ZNF354A: variants seen among roughly 807,000 people sequenced by gnomAD.
The protein encoded by ZNF354A is epididymis luminal protein 104.
Under a neutral mutation model 53.3 loss-of-function variants are expected in ZNF354A, and 25 were observed. The ratio of observed to expected loss-of-function variants is 0.47; its 90% CI spans 0.34 to 0.66. ZNF354A has a LOEUF of 0.66. Ranked by LOEUF, ZNF354A falls within the 30% of genes least tolerant of loss-of-function variation. The probability of loss-of-function intolerance (pLI) is 0.01; values close to 1 mark genes in which losing one functional copy is unlikely to be tolerated. For missense variants in ZNF354A, 586 were observed against 716.8 expected, an observed-to-expected ratio of 0.82 and a Z score of 2.08; for synonymous variants, 228 against 249.0, an observed-to-expected ratio of 0.92 and a Z score of 0.79.
In ZNF354A at chr5:178,712,503, T is replaced by C; in HGVS notation, c.1375A>G (p.Ile459Val). The change falls in exon 5 of 5, where the codon ATT (isoleucine) becomes GTT (valine). Residue 459 changes from isoleucine (I) to valine (V), a missense_variant. Physicochemically the swap from Ile to Val is conservative, Grantham distance 29. Around this residue, in one of 2 missense-constraint regions of ZNF354A, gnomAD observed 573 missense variants for 680.1 expected, o/e 0.84. Transcript: ENST00000335815. ...TTACATGGTTTTTCTCCAGTATGAA[T>C]TCGCTCGTGAATAATAAGTGTTGAG... ...SHSTLIIHER[I>V]HTGEKPCKCK... 6.2e-7 allele frequency: 1 copy of C among 1,614,194 alleles called. No homozygotes were observed. The highest frequency in any genetic ancestry group is 8.5e-7 in the Non-Finnish European group (1 of 1,180,030).
At chr5:178,729,872 G>GCTTCTTCTTTTTTT (rs746292908) in intron 1 of ZNF354A, among the ~76,000 whole-genome samples, 1 of 143,336 alleles carries the variant, frequency 7.0e-6, no homozygotes. Flanking sequence ...CTAACACGAT[G>GCTTCTTCTTTTTTT]TTTCTTTTTT....
Position 178,727,019 on chromosome 5 carries a change from T to C in ZNF354A, c.140A>G (p.Tyr47Cys). ...NLYRDVMLEN[Y>C]RNLVSLGLPF... ...CTTACCCAGTGAGACCAGGTTCCTA[T>C]AGTTCTCCAGCATCACATCCCGGTA... The change falls in exon 3 of 5, where the codon TAT becomes TGT. Residue 47 changes from tyrosine to cysteine, a missense_variant. Coordinates refer to ENST00000335815, the MANE Select transcript of ZNF354A (RefSeq NM_005649.3). 3 of 1,613,334 alleles carry C rather than the reference T, an allele frequency of 1.9e-6. No homozygotes were observed. Among genetic ancestry groups the C allele is most frequent in the Non-Finnish European group, 2.5e-6 (3 of 1,179,752 alleles).
At chr5:178,730,180 A>G (rs1766005483) in intron 1 of ZNF354A, among the ~76,000 whole-genome samples, 1 of 152,126 alleles carries the variant, frequency 6.6e-6, no homozygotes, top group African/African-American at 2.4e-5. Flanking sequence ...CCAGCTCTGA[A>G]GAGGAAAGCG....
intron 4 of ZNF354A, among the ~76,000 whole-genome samples, chr5:178,716,072 T>C (rs995349275): frequency 1.3e-5 from 2 of 151,962 alleles, no homozygotes; most frequent in Non-Finnish European, 2.9e-5. Flanking sequence ...AATTTTTGTA[T>C]TTTTAGTAGA....
At chr5:178,723,611 C>T (rs1299413115) in intron 4 of ZNF354A, among the ~76,000 whole-genome samples, 3 of 152,204 alleles carry the variant, frequency 2.0e-5, no homozygotes, top group Non-Finnish European at 4.4e-5. Flanking sequence ...CTCACAGCAC[C>T]GAGTGTCTTT....
At position 178,712,234 on chromosome 5, in the gene ZNF354A, T is replaced by G. The variant is rs772910865; in HGVS notation, c.1644A>C (p.Lys548Asn). The G allele has an allele frequency of 6.2e-7, 1 of 1,614,070 alleles. No individual in the cohort carries two copies. Among genetic ancestry groups the G allele is most frequent in the South Asian group, 1.1e-5 (1 of 91,064 alleles). Residue 548 changes from lysine (K) to asparagine (N), a missense_variant, in exon 5 of 5, where the codon AAA (lysine) becomes AAC (asparagine). Lys to Asn is a moderately conservative substitution (Grantham distance 94). This residue lies in a region of ZNF354A where 573 missense variants were observed against 680.1 expected (regional missense o/e 0.84). Transcript: ENST00000335815. ...IQHRRIHTGE[K>N]PFKCNTCGKT... ...TTCCACATGTATTACATTTAAAGGG[T>G]TTTTCTCCTGTATGAATCCTTCGAT... is the stretch of plus-strand genomic sequence containing the variant.
intron 4 of ZNF354A, among the ~76,000 whole-genome samples, chr5:178,723,022 A>G (rs1765839960): frequency 6.6e-6 from 1 of 152,190 alleles, no homozygotes; most frequent in Non-Finnish European, 1.5e-5. Flanking sequence ...CCCATGACAC[A>G]CTGCAGGGCG....
At chr5:178,717,077 CAA>C (rs5873633) in intron 4 of ZNF354A, among the ~76,000 whole-genome samples, 2 of 65,518 alleles carry the variant, frequency 3.1e-5, no homozygotes, top group Non-Finnish European at 2.8e-5. Flanking sequence ...GACTCCATCT[CAA>C]AAAAAAAAAA....
chr5:178,716,311 T>C (rs1324487602), intron 4 of ZNF354A, among the ~76,000 whole-genome samples: 4 of 152,218 alleles, frequency 2.6e-5, no homozygotes, highest in African/African-American at 9.7e-5. Context: ...TTAGGCGTCC[T>C]TAACATGGTG....
At chr5:178,714,232 T>A (rs1221667833) in intron 4 of ZNF354A, among the ~76,000 whole-genome samples, 3 of 152,120 alleles carry the variant, frequency 2.0e-5, no homozygotes. Context: ...CTTGAACTCC[T>A]GACCTCAAGT....
chr5:178,722,094 G>A (rs534367658), intron 4 of ZNF354A, among the ~76,000 whole-genome samples: 6 of 152,114 alleles, frequency 3.9e-5, no homozygotes, highest in Non-Finnish European at 7.4e-5. Flanking sequence ...CTTACAGTAC[G>A]CTTTTACCTG....
intron 4 of ZNF354A, among the ~76,000 whole-genome samples, chr5:178,723,040 G>A (rs761671854): frequency 1.3e-5 from 2 of 152,250 alleles, no homozygotes; most frequent in African/African-American, 4.8e-5. Flanking sequence ...GCGGCCAAGG[G>A]TGATCAGAGG....
chr5:178,730,619 G>C lies in ZNF354A; in HGVS notation c.-115C>G, dbSNP rs957756327. 5.9e-5 allele frequency: 9 copies of C among 152,014 alleles called. No homozygotes were observed. In the East Asian group the frequency reaches 1.4e-3, roughly 23 times the overall value. The allele number at this position is 152,014 out of a possible 1,614,324, so 9.4% of individuals were successfully genotyped here. The stretch of plus-strand genomic sequence containing the variant: ...CCGCGAGGCTCCGGAACCGCCGGCC[G>C]GGATGCAGCCTCGCGACCCGGCTCC... On this transcript the variant is annotated 5_prime_UTR_variant, in exon 1 of 5. Transcript: ENST00000335815.
chr5:178,724,336 T>C (rs1042003481), intron 4 of ZNF354A, among the ~76,000 whole-genome samples: 1 of 151,906 alleles, frequency 6.6e-6, no homozygotes, highest in Non-Finnish European at 1.5e-5. Context: ...GTGTTTCTCC[T>C]GTCTCAGCCT....
chr5:178,712,307 C>A lies in ZNF354A; in HGVS notation c.1571G>T (p.Cys524Phe), dbSNP rs1337195267. ...RIHTGEKPYRCEECGISFGQS... is the reference protein window; with the variant it reads ...RIHTGEKPYRFEECGISFGQS... ...GCCAAAAGATATCCCACATTCCTCA[C>A]ATCGATATGGTTTCTCTCCAGTATG... Residue 524 changes from cysteine to phenylalanine, a missense_variant, in exon 5 of 5, where the codon TGT (cysteine) becomes TTT (phenylalanine). Physicochemically the swap from Cys to Phe is radical, Grantham distance 205 (BLOSUM62 -2). Transcript: ENST00000335815. The A allele has an allele frequency of 1.2e-6, 2 of 1,614,168 alleles. No homozygotes were observed. Among genetic ancestry groups the A allele is most frequent in the Non-Finnish European group, 1.7e-6 (2 of 1,180,014 alleles).
At position 178,712,132 on chromosome 5, in the gene ZNF354A, T is replaced by A; in HGVS notation, c.1746A>T (p.Thr582=). 6.2e-7 allele frequency: 1 copy of A among 1,613,786 alleles called. No homozygotes were observed. Among genetic ancestry groups the A allele is most frequent in the African/African-American group, 1.3e-5 (1 of 75,046 alleles). The change falls in exon 5 of 5, where the codon ACA becomes ACT. Residue 582 remains threonine (T), a synonymous_variant. Coordinates refer to ENST00000335815, the MANE Select transcript of ZNF354A (RefSeq NM_005649.3). Reference sequence around the variant, plus strand: ...ACCTATGGTTGAAAAGTTTCCCACATGTATTACATTCATAGGGTTTCTCTC... The same window carrying A: ...ACCTATGGTTGAAAAGTTTCCCACAAGTATTACATTCATAGGGTTTCTCTC... ...HTGEKPYECN[T]CGKLFNHRSS... is the part of the protein sequence containing the mutation.
At chr5:178,719,675 C>T (rs1278487368) in intron 4 of ZNF354A, among the ~76,000 whole-genome samples, 3 of 152,124 alleles carry the variant, frequency 2.0e-5, no homozygotes, top group South Asian at 2.1e-4. Context: ...CGGCCGGGCG[C>T]GGTGGCTCAC....
At chr5:178,717,304 G>A (rs1765734443) in intron 4 of ZNF354A, among the ~76,000 whole-genome samples, 1 of 152,066 alleles carries the variant, frequency 6.6e-6, no homozygotes, top group African/African-American at 2.4e-5. Flanking sequence ...AGCTACTGCA[G>A]CTCTTCACGT....
rs73804465 is a variant in ZNF354A, at chr5:178,721,289, T to G, written c.256+4087A>C. The stretch of plus-strand genomic sequence containing the variant: ...TAGATGGTATAGGCTACTACACACC[T>G]AGGCTATACCCCTATACAGCATGTT... On this transcript the variant is annotated intron_variant, in intron 4 of 4. Coordinates refer to ENST00000335815, the MANE Select transcript of ZNF354A (RefSeq NM_005649.3). 3.4e-3 allele frequency among the ~76,000 whole-genome samples: 525 copies of G among 152,276 alleles called. 2 individuals are homozygous for G. The highest frequency in any genetic ancestry group is 0.012 in the African/African-American group (487 of 41,548).
Sources: gnomAD v4.1 joint callset for allele counts (sites outside exome capture counted in the v4.1 genomes callset) on GRCh38, gnomAD v4.1.1 for gene constraint, gnomAD v4.1.1 regional missense constraint, MANE v1.5 for transcripts, NCBI Gene and HGNC (gene_info 2026-07-23, HGNC 2026-07-21) for gene names.